Variants in SF3B3 observed in about 807,000 individuals in gnomAD.
SF3B3 encodes the protein splicing factor 3b subunit 3, also known as SAP 130.
In SF3B3, 33 loss-of-function variants were observed where a neutral mutation model predicts 139.2. The ratio of observed to expected loss-of-function variants is 0.24; its 90% CI spans 0.18 to 0.32. SF3B3 has a LOEUF of 0.32. Ranked by LOEUF, SF3B3 falls within the 10% of genes least tolerant of loss-of-function variation. The pLI is 1.00. For synonymous variants in SF3B3, 596 were observed against 563.6 expected (o/e 1.06, Z -0.81); for missense variants, 818 against 1,509.4 (o/e 0.54, Z 7.59).
rs1012057520 is a variant in SF3B3 at position 70,576,151 on chromosome 16, T to A, written c.*4338T>A. On this transcript the variant is annotated 3_prime_UTR_variant, in exon 26 of 26. Coordinates refer to ENST00000302516, the MANE Select transcript of SF3B3 (RefSeq NM_012426.5). The stretch of plus-strand genomic sequence containing the variant: ...GTGTCTGCTTCACAGTCCAGTGTTA[T>A]GATCAGTAGCTGTGATGGACAATGA... 1 of 152,090 alleles carries A rather than the reference T, an allele frequency of 6.6e-6. No individual in the cohort carries two copies. Among genetic ancestry groups the A allele is most frequent in the Non-Finnish European group, 1.5e-5 (1 of 68,024 alleles). 9.4% of individuals were successfully genotyped at this position (152,090 alleles called of 1,614,324 possible). A position where few individuals can be genotyped will look rare whatever the true frequency, so the allele number is the denominator to read the frequency against.
rs1405285279 is a variant in SF3B3, at chr16:70,541,802, T to C, written c.1201T>C (p.Leu401=). Reference sequence around the variant, plus strand: ...TAAAAACCTTGTGCTGGTTGATGAGTTGGACAGCCTCTCTCCCATTCTGTT... The same window carrying C: ...TAAAAACCTTGTGCTGGTTGATGAGCTGGACAGCCTCTCTCCCATTCTGTT... The part of the protein sequence containing the change: ...PLKNLVLVDE[L]DSLSPILFCQ... Residue 401 remains leucine, a synonymous_variant, in exon 9 of 26, where the codon TTG becomes CTG. Coordinates refer to ENST00000302516, the MANE Select transcript of SF3B3 (RefSeq NM_012426.5). 1.9e-6 allele frequency: 3 copies of C among 1,614,108 alleles called. No individual in the cohort carries two copies. The highest frequency in any genetic ancestry group is 1.1e-5 in the South Asian group (1 of 91,062).
At position 70,528,992 on chromosome 16, in the gene SF3B3, T is replaced by G. The variant is rs751948998; in HGVS notation, c.190T>G (p.Ser64Ala). ...LTVEVFGVIR[S>A]LMAFRLTGGT... ...TGTGGAAGTATTCGGTGTTATCCGG[T>G]CACTCATGGCCTTTAGGCTGACAGG... The change falls in exon 3 of 26, where the codon TCA (serine) becomes GCA (alanine). Residue 64 changes from serine to alanine, a missense_variant. Physicochemically the swap from Ser to Ala is moderately conservative, Grantham distance 99. Around this residue, in one of 14 missense-constraint regions of SF3B3, gnomAD observed 144 missense variants for 259.2 expected, o/e 0.56. Transcript: ENST00000302516. The G allele has an allele frequency of 4.3e-6, 7 of 1,614,100 alleles. No homozygotes were observed. Among genetic ancestry groups the G allele is most frequent in the Non-Finnish European group, 5.9e-6 (7 of 1,180,044 alleles).
intron 24 of SF3B3, among the ~76,000 whole-genome samples, chr16:70,570,515 A>G (rs955192421): frequency 6.6e-6 from 1 of 152,062 alleles, no homozygotes; most frequent in South Asian, 2.1e-4. Context: ...TATTTTTAAT[A>G]GAGATGGGGT....
At chr16:70,570,418 C>T (rs890659385) in intron 24 of SF3B3, among the ~76,000 whole-genome samples, 6 of 150,046 alleles carry the variant, frequency 4.0e-5, no homozygotes, top group Non-Finnish European at 7.4e-5. Context: ...GCAAACTCCA[C>T]CTCCCAGGTT....
chr16:70,525,848 C>T (rs1437899948), intron 1 of SF3B3, among the ~76,000 whole-genome samples: 1 of 150,754 alleles, frequency 6.6e-6, no homozygotes, highest in Admixed American at 6.7e-5. Context: ...GTTGTCCCAG[C>T]TACTCGGGAG....
chr16:70,556,875 C>T lies in SF3B3; in HGVS notation c.1867-11C>T. On this transcript the variant is annotated splice_polypyrimidine_tract_variant and intron_variant, in intron 14 of 25. Coordinates refer to ENST00000302516, the MANE Select transcript of SF3B3 (RefSeq NM_012426.5). Reference sequence around the variant, plus strand: ...TTTTCTGTGTTTTTATGATTTTTCTCTCCCTCTCAGGACTGTTTGCAACCT... The same window carrying T: ...TTTTCTGTGTTTTTATGATTTTTCTTTCCCTCTCAGGACTGTTTGCAACCT... 1 of 1,613,910 alleles carries T rather than the reference C, an allele frequency of 6.2e-7. No homozygotes were observed. Among genetic ancestry groups the T allele is most frequent in the Non-Finnish European group, 8.5e-7 (1 of 1,179,868 alleles).
At chr16:70,533,012 A>T (rs1189942536) in intron 5 of SF3B3, among the ~76,000 whole-genome samples, 1 of 152,218 alleles carries the variant, frequency 6.6e-6, no homozygotes, top group Non-Finnish European at 1.5e-5. Context: ...AAACTTAAAC[A>T]AAATAGAAAT....
At chr16:70,544,847 C>G (rs1402032508) in intron 10 of SF3B3, among the ~76,000 whole-genome samples, 1 of 151,872 alleles carries the variant, frequency 6.6e-6, no homozygotes, top group Non-Finnish European at 1.5e-5. Flanking sequence ...AGCCACTGTG[C>G]CCAGCCTGTG....
intron 4 of SF3B3, among the ~76,000 whole-genome samples, chr16:70,531,915 C>T (rs889965674): frequency 2.0e-5 from 3 of 152,224 alleles, no homozygotes; most frequent in Non-Finnish European, 4.4e-5. Flanking sequence ...AACTATTTGG[C>T]GTCAGCCAGG....
At chr16:70,566,211 A>G (rs576985740) in intron 20 of SF3B3, among the ~76,000 whole-genome samples, 3 of 152,196 alleles carry the variant, frequency 2.0e-5, no homozygotes, top group Admixed American at 2.0e-4. Flanking sequence ...GATGAAAAAA[A>G]TTCTGGAGGT....
Position 70,568,420 on chromosome 16 carries a change from C to A in SF3B3, c.3090C>A (p.Pro1030=), listed in dbSNP as rs1200612403. 3 of 1,613,982 alleles carry A rather than the reference C, an allele frequency of 1.9e-6. No homozygotes were observed. The highest frequency in any genetic ancestry group is 2.5e-6 in the Non-Finnish European group (3 of 1,179,978). ...TCATCTTTGCTGATGATACCTACCCCCGATGGGTCACTACAGCCAGCCTCC... is the reference window on the plus strand; with the variant it reads ...TCATCTTTGCTGATGATACCTACCCACGATGGGTCACTACAGCCAGCCTCC... ...QLIIFADDTY[P]RWVTTASLLD... Residue 1030 remains proline (P), a synonymous_variant, in exon 22 of 26, where the codon CCC becomes CCA. Coordinates refer to ENST00000302516, the MANE Select transcript of SF3B3 (RefSeq NM_012426.5).
intron 2 of SF3B3, among the ~76,000 whole-genome samples, chr16:70,527,210 A>G (rs780729760): frequency 2.0e-5 from 3 of 152,240 alleles, no homozygotes; most frequent in Non-Finnish European, 4.4e-5. Context: ...CTGCATAGAA[A>G]CAGATAATTT....
intron 20 of SF3B3, among the ~76,000 whole-genome samples, chr16:70,567,134 C>G (rs2050484511): frequency 6.6e-6 from 1 of 152,114 alleles, no homozygotes; most frequent in Admixed American, 6.5e-5. Context: ...ACTAAGGCTT[C>G]ACTGTTGAAA....
chr16:70,535,328 C>G lies in SF3B3; in HGVS notation c.733C>G (p.Pro245Ala). The G allele has an allele frequency of 6.3e-7, 1 of 1,591,784 alleles. No individual in the cohort carries two copies. The highest frequency in any genetic ancestry group is 1.1e-5 in the South Asian group (1 of 87,834). ...LITVPGGSDG[P>A]SGVLICSENY... is the part of the protein sequence containing the mutation. ...CACAGTTCCAGGAGGGTCAGATGGT[C>G]CAAGTGGAGTACTGATCTGCTCTGA... Residue 245 changes from proline (P) to alanine (A), a missense_variant, in exon 6 of 26, where the codon CCA becomes GCA. Pro to Ala is a conservative substitution (Grantham distance 27). This residue lies in a region of SF3B3 where 80 missense variants were observed against 206.5 expected (regional missense o/e 0.39). Transcript: ENST00000302516.
intron 6 of SF3B3, among the ~76,000 whole-genome samples, chr16:70,537,108 C>T (rs1343971828): frequency 2.0e-5 from 3 of 152,158 alleles, no homozygotes; most frequent in African/African-American, 4.8e-5. Context: ...TGCGCCTGGC[C>T]AGCTAATTCT....
chr16:70,524,067 TG>T, intron 1 of SF3B3, 139 bp downstream of exon 1: 2 of 395,364 alleles, frequency 5.1e-6, no homozygotes, highest in Non-Finnish European at 4.4e-6. Context: ...TACCGAGGGA[TG>T]GTTGAGGCGC....
At chr16:70,560,192 A>G (rs2050416222) in intron 15 of SF3B3, among the ~76,000 whole-genome samples, 1 of 152,198 alleles carries the variant, frequency 6.6e-6, no homozygotes, top group Non-Finnish European at 1.5e-5. Context: ...AGTAGTGAAG[A>G]AGGATTTAAT....
intron 13 of SF3B3, among the ~76,000 whole-genome samples, chr16:70,555,498 A>G (rs1314903285): frequency 6.7e-6 from 1 of 148,334 alleles, no homozygotes; most frequent in African/African-American, 2.4e-5. Context: ...AAAAAAAAAA[A>G]AAGCGAGCTG....
intron 2 of SF3B3, 175 bp downstream of exon 2, chr16:70,526,901 A>G: frequency 1.7e-6 from 1 of 599,616 alleles, no homozygotes; most frequent in Non-Finnish European, 2.9e-6. Flanking sequence ...TACCTATTTC[A>G]GATGCATTTC....
Sources: allele counts gnomAD v4.1 joint callset (sites outside exome capture counted in the v4.1 genomes callset), GRCh38; gene constraint gnomAD v4.1.1; regional missense constraint gnomAD v4.1.1; transcripts MANE v1.5; gene names NCBI Gene and HGNC (gene_info 2026-07-23, HGNC 2026-07-21).